Variants in ZNF407 observed in about 807,000 individuals in gnomAD.
ZNF407 encodes zinc finger protein 407.
In ZNF407, 17 loss-of-function variants were observed where a neutral mutation model predicts 131.2. The ratio of observed to expected loss-of-function variants is 0.13; its 90% CI spans 0.09 to 0.19. The LOEUF (loss-of-function observed/expected upper bound fraction) is 0.19, where lower values mean the gene tolerates loss of function less well. Ranked by LOEUF, ZNF407 falls within the 10% of genes least tolerant of loss-of-function variation. The pLI, the probability that ZNF407 is intolerant of heterozygous loss-of-function variation, is 1.00. For synonymous variants in ZNF407, 1,156 were observed against 1,062.0 expected (o/e 1.09, Z -1.72); for missense variants, 2,681 against 2,830.6 (o/e 0.95, Z 1.20).
intron 1 of ZNF407, among the ~76,000 whole-genome samples, chr18:74,615,782 A>G (rs28684967): frequency 0.15 from 22,664 of 152,200 alleles, 2,020 homozygotes; most frequent in African/African-American, 0.23. Flanking sequence ...GAAGGGGGCC[A>G]CTGTTCATGT....
chr18:74,913,425 G>T (rs997503501), intron 7 of ZNF407, among the ~76,000 whole-genome samples: 1 of 152,258 alleles, frequency 6.6e-6, no homozygotes, highest in African/African-American at 2.4e-5. Context: ...GGGGAGATAA[G>T]CGTGCCCTTC....
intron 8 of ZNF407, among the ~76,000 whole-genome samples, chr18:74,989,676 T>C (rs1354935791): frequency 6.6e-6 from 1 of 151,948 alleles, no homozygotes; most frequent in African/African-American, 2.4e-5. Context: ...ACCCCATCTC[T>C]ACTAAAAACA....
intron 3 of ZNF407, among the ~76,000 whole-genome samples, chr18:74,717,324 C>T (rs768161604): frequency 6.6e-6 from 1 of 152,214 alleles, no homozygotes; most frequent in African/African-American, 2.4e-5. Flanking sequence ...GATTGTACTC[C>T]TGAGTCCGAT....
intron 4 of ZNF407, among the ~76,000 whole-genome samples, chr18:74,825,224 C>T (rs866710181): frequency 1.3e-5 from 2 of 152,152 alleles, no homozygotes; most frequent in African/African-American, 4.8e-5. Flanking sequence ...GACAAACCAA[C>T]AGCCATTATC....
intron 3 of ZNF407, among the ~76,000 whole-genome samples, chr18:74,704,305 T>A (rs906597844): frequency 1.3e-5 from 2 of 152,144 alleles, no homozygotes; most frequent in African/African-American, 4.8e-5. Context: ...TACATCAGGG[T>A]CCCATAGCCA....
At chr18:74,744,512 T>C (rs1968622646) in intron 3 of ZNF407, among the ~76,000 whole-genome samples, 1 of 152,206 alleles carries the variant, frequency 6.6e-6, no homozygotes, top group Non-Finnish European at 1.5e-5. Flanking sequence ...AAAACTATTA[T>C]AGTTTAATTT....
chr18:74,768,794 A>G (rs926650601), intron 3 of ZNF407, among the ~76,000 whole-genome samples: 3 of 152,140 alleles, frequency 2.0e-5, no homozygotes, highest in South Asian at 4.1e-4. Flanking sequence ...TTAAACATTT[A>G]TTACCCTCTT....
At chr18:74,804,210 A>ATGTAAATGAATT (rs1970072567) in intron 4 of ZNF407, 4 of 1,328,480 alleles carry the variant, frequency 3.0e-6, no homozygotes, top group Non-Finnish European at 3.9e-6. Context: ...AAATCATCAC[A>ATGTAAATGAATT]CAAATGTAGG....
Position 74,632,407 on chromosome 18 carries a change from A to T in ZNF407, c.1388A>T (p.His463Leu), listed in dbSNP as rs1307450849. Residue 463 changes from histidine to leucine, a missense_variant, in exon 2 of 9, where the codon CAC becomes CTC. Physicochemically the swap from His to Leu is moderately conservative, Grantham distance 99. Transcript: ENST00000299687. ...TSETQRMYMK[H>L]LRTQMKTHDA... is the part of the protein sequence containing the mutation. ...GAAACTCAGAGGATGTATATGAAACACTTGAGAACACAGATGAAAACACAC... is the reference window on the plus strand; with the variant it reads ...GAAACTCAGAGGATGTATATGAAACTCTTGAGAACACAGATGAAAACACAC... 1 of 1,614,054 alleles carries T rather than the reference A, an allele frequency of 6.2e-7. No individual in the cohort carries two copies. Among genetic ancestry groups the T allele is most frequent in the South Asian group, 1.1e-5 (1 of 91,090 alleles).
chr18:75,059,123 C>T (rs1973595617), intron 8 of ZNF407, among the ~76,000 whole-genome samples: 1 of 152,170 alleles, frequency 6.6e-6, no homozygotes, highest in South Asian at 2.1e-4. Flanking sequence ...GCAGTATTTA[C>T]CCATTTAGTT....
At chr18:74,795,456 G>GA (rs1464188536) in intron 4 of ZNF407, among the ~76,000 whole-genome samples, 1 of 152,060 alleles carries the variant, frequency 6.6e-6, no homozygotes, top group African/African-American at 2.4e-5. Context: ...TACAGCATTG[G>GA]AAAAAATCAT....
intron 3 of ZNF407, among the ~76,000 whole-genome samples, chr18:74,710,837 C>T (rs976865827): frequency 6.6e-6 from 1 of 152,138 alleles, no homozygotes; most frequent in Non-Finnish European, 1.5e-5. Flanking sequence ...CTTTTGTTCT[C>T]TCTATTTTAA....
intron 1 of ZNF407, among the ~76,000 whole-genome samples, chr18:74,627,414 T>A (rs575649910): frequency 6.6e-6 from 1 of 152,332 alleles, no homozygotes; most frequent in Non-Finnish European, 1.5e-5. Context: ...TCTTTCTTCC[T>A]TTCCTCCCTT....
chr18:74,617,189 G>GC (rs1983352930), intron 1 of ZNF407, among the ~76,000 whole-genome samples: 1 of 21,272 alleles, frequency 4.7e-5, no homozygotes, highest in Non-Finnish European at 1.0e-4. Flanking sequence ...CACACACATC[G>GC]ACACACTTTA....
At chr18:74,599,409 T>C (rs1254232727) in intron 1 of ZNF407, among the ~76,000 whole-genome samples, 2 of 152,212 alleles carry the variant, frequency 1.3e-5, no homozygotes, top group Non-Finnish European at 2.9e-5. Flanking sequence ...GCAAAGTGGC[T>C]CCACTTCAAA....
intron 1 of ZNF407, among the ~76,000 whole-genome samples, chr18:74,620,188 A>T (rs1983459100): frequency 3.3e-5 from 5 of 152,238 alleles, no homozygotes. Context: ...GTTGTCATAC[A>T]GTTAATTTTA....
chr18:74,672,809 A>G (rs1351670093), intron 3 of ZNF407, among the ~76,000 whole-genome samples: 3 of 152,196 alleles, frequency 2.0e-5, no homozygotes, highest in Admixed American at 2.0e-4. Flanking sequence ...ATCACTTTTA[A>G]TGAACCTATA....
chr18:74,717,201 T>A (rs1206387776), intron 3 of ZNF407, among the ~76,000 whole-genome samples: 1 of 152,178 alleles, frequency 6.6e-6, no homozygotes, highest in Non-Finnish European at 1.5e-5. Context: ...AAAATGACAA[T>A]AAAAGTCAAG....
chr18:74,622,972 G>A (rs1983598489), intron 1 of ZNF407, among the ~76,000 whole-genome samples: 1 of 152,060 alleles, frequency 6.6e-6, no homozygotes, highest in African/African-American at 2.4e-5. Context: ...CTGAGTGCGT[G>A]TGTCAGTGTG....
Sources: gnomAD v4.1 joint callset for allele counts (sites outside exome capture counted in the v4.1 genomes callset) on GRCh38, gnomAD v4.1.1 for gene constraint, MANE v1.5 for transcripts, NCBI Gene and HGNC (gene_info 2026-07-23, HGNC 2026-07-21) for gene names.